The following ESRRB variants were observed in gnomAD, a reference collection of about 807,000 sequenced individuals.
ESRRB encodes steroid hormone receptor ERR2.
Under a neutral mutation model 46.0 loss-of-function variants are expected in ESRRB, and 16 were observed. That is an observed-to-expected ratio of 0.35 (90% CI 0.24 to 0.53). ESRRB has a LOEUF of 0.53. ESRRB is among the 20% of genes least tolerant of loss of function. The probability of loss-of-function intolerance (pLI) is 0.93; values close to 1 mark genes in which losing one functional copy is unlikely to be tolerated. For synonymous variants in ESRRB, 246 were observed against 259.6 expected (o/e 0.95, Z 0.50); for missense variants, 488 against 607.4 (o/e 0.80, Z 2.07).
At chr14:76,365,564 A>G (rs1884512604) in intron 1 of ESRRB, among the ~76,000 whole-genome samples, 1 of 152,212 alleles carries the variant, frequency 6.6e-6, no homozygotes, top group South Asian at 2.1e-4. Context: ...AGGGGCTGAG[A>G]CACAAAGTGT....
intron 1 of ESRRB, among the ~76,000 whole-genome samples, chr14:76,331,155 C>G (rs1322087698): frequency 6.6e-6 from 1 of 152,172 alleles, no homozygotes; most frequent in Non-Finnish European, 1.5e-5. Context: ...CAAATCCCGG[C>G]CATGTGACAC....
At chr14:76,410,779 T>A (rs1303257801) in intron 1 of ESRRB, among the ~76,000 whole-genome samples, 1 of 151,918 alleles carries the variant, frequency 6.6e-6, no homozygotes, top group East Asian at 1.9e-4. Flanking sequence ...TTCTTCTTAT[T>A]TTTTTTTATT....
chr14:76,403,059 G>C (rs1347781039), intron 1 of ESRRB, among the ~76,000 whole-genome samples: 1 of 152,100 alleles, frequency 6.6e-6, no homozygotes, highest in Non-Finnish European at 1.5e-5. Flanking sequence ...CCAAAGTGCT[G>C]GAATTACAGG....
intron 1 of ESRRB, among the ~76,000 whole-genome samples, chr14:76,422,206 CTTTT>C (rs552738537): frequency 0.04 from 3,796 of 94,746 alleles, 59 homozygotes; most frequent in African/African-American, 0.079. Context: ...ACATTTCCTT[CTTTT>C]TTTTTTTTTT....
intron 1 of ESRRB, among the ~76,000 whole-genome samples, chr14:76,413,557 G>T (rs1437535864): frequency 2.0e-5 from 3 of 152,110 alleles, no homozygotes; most frequent in Non-Finnish European, 4.4e-5. Context: ...CACTAAGGAG[G>T]GTTAGACACT....
At chr14:76,462,709 G>A in intron 3 of ESRRB, 48 bp downstream of exon 3, 1 of 1,458,512 alleles carries the variant, frequency 6.9e-7, no homozygotes. Context: ...TCTGCTTGCT[G>A]GGGAGTTTTT....
chr14:76,481,909 G>T, intron 3 of ESRRB, 107 bp from the exon 4 acceptor site: 1 of 1,000,516 alleles, frequency 1.0e-6, no homozygotes, highest in South Asian at 1.4e-5. Flanking sequence ...AAGGTCATCC[G>T]AGCAAGGCCC....
At position 76,332,729 on chromosome 14, in the gene ESRRB, T is replaced by A. The variant is rs1314571044; in HGVS notation, c.2+21813T>A. Among the ~76,000 whole-genome samples the A allele has an allele frequency of 1.1e-3, 15 of 13,866 alleles. 1 individual carries two copies. The highest frequency in any genetic ancestry group is 3.6e-3 in the Admixed American group (2 of 558). 9.1% of individuals were successfully genotyped at this position (13,866 alleles called of 152,430 possible). ...ATATATATTTATATATTATATATATTTATATATTATATATTTATATATTAT... is the reference window on the plus strand; with the variant it reads ...ATATATATTTATATATTATATATATATATATATTATATATTTATATATTAT... On this transcript the variant is annotated intron_variant, in intron 1 of 6. Transcript: ENST00000512784.
intron 1 of ESRRB, among the ~76,000 whole-genome samples, chr14:76,359,771 C>T (rs995009054): frequency 2.6e-5 from 4 of 151,980 alleles, no homozygotes; most frequent in South Asian, 4.2e-4. Context: ...GCAGTCTTCT[C>T]GGAAGGTAAG....
At chr14:76,398,380 T>G (rs1166796916) in intron 1 of ESRRB, among the ~76,000 whole-genome samples, 1 of 152,160 alleles carries the variant, frequency 6.6e-6, no homozygotes, top group Non-Finnish European at 1.5e-5. Context: ...AGAAGACAAA[T>G]AGTTCCCCCA....
chr14:76,361,264 C>T (rs892117302), intron 1 of ESRRB, among the ~76,000 whole-genome samples: 5 of 152,092 alleles, frequency 3.3e-5, no homozygotes, highest in African/African-American at 7.2e-5. Flanking sequence ...ACTGTTGATG[C>T]CATTCAAGGT....
intron 3 of ESRRB, among the ~76,000 whole-genome samples, chr14:76,475,413 A>G (rs1306084908): frequency 6.6e-6 from 1 of 151,820 alleles, no homozygotes; most frequent in Non-Finnish European, 1.5e-5. Context: ...ATCACATAAT[A>G]TTTGTCCTTT....
intron 1 of ESRRB, among the ~76,000 whole-genome samples, chr14:76,326,596 G>A (rs1234417805): frequency 6.6e-6 from 1 of 152,194 alleles, no homozygotes; most frequent in Non-Finnish European, 1.5e-5. Context: ...GGACACAAAA[G>A]CATTGAGTGA....
chr14:76,334,666 G>A (rs998313096), intron 1 of ESRRB, among the ~76,000 whole-genome samples: 3 of 152,156 alleles, frequency 2.0e-5, no homozygotes, highest in African/African-American at 7.2e-5. Context: ...GGCTGGCCCC[G>A]AAGACATTAA....
intron 1 of ESRRB, among the ~76,000 whole-genome samples, chr14:76,325,333 T>C (rs1288750048): frequency 1.3e-5 from 2 of 152,168 alleles, no homozygotes; most frequent in African/African-American, 2.4e-5. Context: ...CTTATTCTTT[T>C]GGAGTTTGAA....
At position 76,377,683 on chromosome 14, in the gene ESRRB, C is replaced by G. The variant is rs142561939; in HGVS notation, c.50+1232C>G. Reference sequence around the variant, plus strand: ...CTCGCTCTCCCCCTCCCCCCAAGAACCACGACTACATCTCTAAAATAAATA... The same window carrying G: ...CTCGCTCTCCCCCTCCCCCCAAGAAGCACGACTACATCTCTAAAATAAATA... On this transcript the variant is annotated intron_variant, in intron 1 of 6. Transcript: ENST00000644823. Among the ~76,000 whole-genome samples, 310 of 152,274 alleles carry G rather than the reference C, an allele frequency of 2.0e-3. 3 individuals carry two copies. The highest frequency in any genetic ancestry group is 7.0e-3 in the African/African-American group (290 of 41,568).
At chr14:76,310,779 T>C (rs937900231) in exon 1 of ESRRB, 2 of 449,586 alleles carry the variant, frequency 4.4e-6, no homozygotes, top group Non-Finnish European at 8.8e-6. Flanking sequence ...GTGTCCTTAG[T>C]CACAAAGAGA....
chr14:76,383,503 T>C (rs1442073303), intron 1 of ESRRB, among the ~76,000 whole-genome samples: 7 of 152,140 alleles, frequency 4.6e-5, no homozygotes, highest in African/African-American at 1.4e-4. Flanking sequence ...ATGGAAGGGG[T>C]GAAGAAGCGT....
chr14:76,395,478 G>C (rs1232907868), intron 1 of ESRRB, among the ~76,000 whole-genome samples: 1 of 152,144 alleles, frequency 6.6e-6, no homozygotes, highest in Non-Finnish European at 1.5e-5. Context: ...AGCAGAGCAA[G>C]CAGGACCTTT....
Sources: allele counts gnomAD v4.1 joint callset (sites outside exome capture counted in the v4.1 genomes callset), GRCh38; gene constraint gnomAD v4.1.1; transcripts MANE v1.5; gene names NCBI Gene and HGNC (gene_info 2026-07-23, HGNC 2026-07-21).